Variants in INPP5D observed in about 807,000 individuals in gnomAD.
INPP5D encodes the protein inositol polyphosphate-5-phosphatase D, also known as phosphatidylinositol 3,4,5-trisphosphate 5-phosphatase 1.
Under a neutral mutation model 122.9 loss-of-function variants are expected in INPP5D, and 33 were observed. That is an observed-to-expected ratio of 0.27 (90% CI 0.20 to 0.36). The LOEUF is 0.36. INPP5D is among the 10% of genes least tolerant of loss of function. The probability of loss-of-function intolerance (pLI) is 1.00; values close to 1 mark genes in which losing one functional copy is unlikely to be tolerated. For missense variants in INPP5D, 1,053 were observed against 1,412.7 expected (o/e 0.75, Z 4.08); for synonymous variants, 584 against 576.2 (o/e 1.01, Z -0.19).
chr2:233,117,079 G>A (rs191675088), intron 2 of INPP5D, among the ~76,000 whole-genome samples: 47 of 152,308 alleles, frequency 3.1e-4, no homozygotes, highest in Non-Finnish European at 1.8e-4. Flanking sequence ...CTTGGGGGCC[G>A]CCGGTAACCA....
Position 233,146,162 on chromosome 2 carries a change from G to A in INPP5D, c.754G>A (p.Val252Ile), listed in dbSNP as rs1164190557. The A allele has an allele frequency of 1.4e-6, 1 of 704,174 alleles. No homozygotes were observed. The highest frequency in any genetic ancestry group is 2.7e-5 in the East Asian group (1 of 37,424). The allele number at this position is 704,174 out of a possible 1,614,324, so 43.6% of individuals were successfully genotyped here. ...LSPGLRPRPQ[V>I]PGEANPINMV... is the part of the protein sequence containing the mutation. Reference sequence around the variant, plus strand: ...TGATCCTCTTTCCCTCCTCTCCCAGGTTCCTGGTGAGGCCAATCCCATCAA... The same window carrying A: ...TGATCCTCTTTCCCTCCTCTCCCAGATTCCTGGTGAGGCCAATCCCATCAA... The change falls in exon 7 of 27, where the codon GTT becomes ATT. Residue 252 changes from valine to isoleucine, a missense_variant and splice_region_variant. Val to Ile is a conservative substitution (Grantham distance 29). This residue lies in a region of INPP5D where 196 missense variants were observed against 175.6 expected (regional missense o/e 1.12). Coordinates refer to ENST00000445964, the MANE Select transcript of INPP5D (RefSeq NM_001017915.3).
intron 2 of INPP5D, among the ~76,000 whole-genome samples, chr2:233,110,856 C>T (rs1369631173): frequency 4.0e-5 from 6 of 151,336 alleles, no homozygotes; most frequent in African/African-American, 7.3e-5. Context: ...ACTCGGGAGG[C>T]GGAGGTTGCA....
rs376568019 is a variant in INPP5D at position 233,125,878 on chromosome 2, C to T, written c.483C>T (p.Ser161=). 29 of 1,613,800 alleles carry T rather than the reference C, an allele frequency of 1.8e-5. No individual in the cohort carries two copies. In the African/African-American group the frequency reaches 1.9e-4, roughly 10 times the overall value. The part of the protein sequence containing the change: ...RATETSRPSL[S]ETLFQRLQSM... ...CCGAGACCAGCCGGCCGAGCCTCTCCGAGACATTGTTCCAGCGACTGCAAA... is the reference window on the plus strand; with the variant it reads ...CCGAGACCAGCCGGCCGAGCCTCTCTGAGACATTGTTCCAGCGACTGCAAA... The change falls in exon 4 of 27, where the codon TCC becomes TCT. Residue 161 remains serine (S), a synonymous_variant. Coordinates refer to ENST00000445964, the MANE Select transcript of INPP5D (RefSeq NM_001017915.3).
At chr2:233,087,580 C>A (rs1267586816) in intron 2 of INPP5D, among the ~76,000 whole-genome samples, 17 of 152,196 alleles carry the variant, frequency 1.1e-4, no homozygotes. Context: ...CCGCCTCAGC[C>A]TCCCAAAGTG....
chr2:233,202,250 A>G (rs375346707), intron 25 of INPP5D, among the ~76,000 whole-genome samples: 11 of 151,460 alleles, frequency 7.3e-5, no homozygotes, highest in African/African-American at 9.7e-5. Flanking sequence ...TGCCAGTTGC[A>G]CCCTCCTGTG....
rs116533212 is a variant in INPP5D, at chr2:233,062,999, C to G, written c.134+2387C>G. On this transcript the variant is annotated intron_variant, in intron 1 of 26. Transcript: ENST00000445964. ...AGGAAGGGCATTAAAAAAAAAAAAG[C>G]CAGTCATTTAAAGCAAAGAGATTGA... Among the ~76,000 whole-genome samples, 631 of 151,472 alleles carry G rather than the reference C, an allele frequency of 4.2e-3. 3 individuals carry two copies. Among genetic ancestry groups the G allele is most frequent in the African/African-American group, 0.015 (604 of 41,072 alleles).
intron 1 of INPP5D, among the ~76,000 whole-genome samples, chr2:233,070,737 G>A (rs921661256): frequency 1.3e-5 from 2 of 151,890 alleles, no homozygotes; most frequent in South Asian, 2.1e-4. Flanking sequence ...CACCGCGCCC[G>A]GCCAGGATCC....
chr2:233,132,004 G>T (rs527458309), intron 5 of INPP5D, among the ~76,000 whole-genome samples: 2 of 152,288 alleles, frequency 1.3e-5, no homozygotes, highest in South Asian at 2.1e-4. Flanking sequence ...CACCAAATTG[G>T]CCAGTTGGGC....
At chr2:233,070,688 G>A (rs976636098) in intron 1 of INPP5D, among the ~76,000 whole-genome samples, 1 of 151,972 alleles carries the variant, frequency 6.6e-6, no homozygotes, top group African/African-American at 2.4e-5. Context: ...TGGTCCGCTC[G>A]CCTCGGCCTC....
chr2:233,138,017 A>G (rs1693539035), intron 5 of INPP5D, among the ~76,000 whole-genome samples: 1 of 146,464 alleles, frequency 6.8e-6, no homozygotes, highest in Non-Finnish European at 1.5e-5. Context: ...ATATTATATT[A>G]ATAATGTAAT....
At chr2:233,134,493 A>C (rs2106267599) in intron 5 of INPP5D, among the ~76,000 whole-genome samples, 1 of 152,256 alleles carries the variant, frequency 6.6e-6, no homozygotes, top group Non-Finnish European at 1.5e-5. Context: ...GACATTGAGC[A>C]CTGAGGAGTA....
chr2:233,203,257 G>A (rs1269999931), intron 25 of INPP5D, among the ~76,000 whole-genome samples: 1 of 152,198 alleles, frequency 6.6e-6, no homozygotes, highest in Non-Finnish European at 1.5e-5. Context: ...GCTGGAGTCA[G>A]AGGAGAGGCT....
chr2:233,139,431 T>C (rs1255818462), intron 5 of INPP5D, among the ~76,000 whole-genome samples: 1 of 151,322 alleles, frequency 6.6e-6, no homozygotes, highest in African/African-American at 2.4e-5. Flanking sequence ...CTAGACTCAA[T>C]CAGGCGGGAG....
chr2:233,138,716 C>T (rs1339804582), intron 5 of INPP5D, among the ~76,000 whole-genome samples: 1 of 149,478 alleles, frequency 6.7e-6, no homozygotes, highest in African/African-American at 2.4e-5. Context: ...TTGTTCAGAG[C>T]AGGTTTTATT....
At position 233,184,294 on chromosome 2, in the gene INPP5D, T is replaced by A. The variant is rs990885414; in HGVS notation, c.2162-114T>A. On this transcript the variant is annotated intron_variant, in intron 19 of 26. Transcript: ENST00000445964. ...AGCTTTAGTTCTCCTCCCACTAGACTCCCACCTTCCTGGGACCCTGAGAAG... is the reference window on the plus strand; with the variant it reads ...AGCTTTAGTTCTCCTCCCACTAGACACCCACCTTCCTGGGACCCTGAGAAG... The A allele has an allele frequency of 1.1e-5, 16 of 1,431,820 alleles. No homozygotes were observed. In the African/African-American group the frequency reaches 2.3e-4, roughly 20 times the overall value. 88.7% of individuals were successfully genotyped at this position (1,431,820 alleles called of 1,614,324 possible). A position where few individuals can be genotyped will look rare whatever the true frequency, so the allele number is the denominator to read the frequency against.
At chr2:233,121,788 A>T (rs937072576) in intron 2 of INPP5D, among the ~76,000 whole-genome samples, 6 of 152,128 alleles carry the variant, frequency 3.9e-5, no homozygotes, top group African/African-American at 1.2e-4. Context: ...AGCCTCCCAA[A>T]GTGCTGGGAT....
At chr2:233,127,821 T>A (rs1693207294) in intron 4 of INPP5D, among the ~76,000 whole-genome samples, 1 of 152,222 alleles carries the variant, frequency 6.6e-6, no homozygotes, top group African/African-American at 2.4e-5. Flanking sequence ...TTGGTTAGGC[T>A]AGTCTCGAAC....
intron 2 of INPP5D, among the ~76,000 whole-genome samples, chr2:233,114,871 C>CT (rs538448378): frequency 1.3e-3 from 186 of 144,880 alleles, no homozygotes; most frequent in Admixed American, 1.7e-3. Context: ...TTTGTTTCCA[C>CT]TTTTTTTTTT....
At chr2:233,134,556 C>T (rs76132689) in intron 5 of INPP5D, among the ~76,000 whole-genome samples, 5 of 152,108 alleles carry the variant, frequency 3.3e-5, no homozygotes, top group East Asian at 1.9e-4. Flanking sequence ...TGTCCCCGTG[C>T]GGGTCTGGCG....
Sources: allele counts gnomAD v4.1 joint callset (sites outside exome capture counted in the v4.1 genomes callset), GRCh38; gene constraint gnomAD v4.1.1; regional missense constraint gnomAD v4.1.1; transcripts MANE v1.5; gene names NCBI Gene and HGNC (gene_info 2026-07-23, HGNC 2026-07-21).